Variants in LRFN2 observed in about 807,000 individuals in gnomAD.
LRFN2 encodes the protein leucine rich repeat and fibronectin type III domain containing 2.
In LRFN2, 18 loss-of-function variants were observed where a neutral mutation model predicts 37.3. The ratio of observed to expected loss-of-function variants is 0.48; its 90% confidence interval spans 0.33 to 0.72. The LOEUF is 0.72. Ranked by LOEUF, LRFN2 falls within the 30% of genes least tolerant of loss-of-function variation. The pLI is 0.02. For synonymous variants in LRFN2, 556 were observed against 466.6 expected, an observed-to-expected ratio of 1.19 and a Z score of -2.47; for missense variants, 1,006 against 1,060.7, an observed-to-expected ratio of 0.95 and a Z score of 0.72.
Position 40,392,333 on chromosome 6 carries a change from G to A in LRFN2, c.1980C>T (p.Phe660=), listed in dbSNP as rs372053737. 2.5e-5 allele frequency: 41 copies of A among 1,610,530 alleles called. No homozygotes were observed. The African/African-American group carries it at 2.8e-4, about 11-fold the overall frequency. The change falls in exon 3 of 3, where the codon TTC becomes TTT. Residue 660 remains phenylalanine, a synonymous_variant. Coordinates refer to ENST00000338305, the MANE Select transcript of LRFN2 (RefSeq NM_020737.3). This position sits in a 1 kb window ranked among gnomAD's most constrained non-coding sequence, Gnocchi z 4.7. ...TCTGACTCTTGAGGTCCAGGGAGGC[G>A]AAGGCCCCCATCAGGCGGTCAAGGC... ...KPSLDRLMGA[F]ASLDLKSQRK...
intron 1 of LRFN2, among the ~76,000 whole-genome samples, chr6:40,468,112 G>A (rs993791314): frequency 1.3e-5 from 2 of 152,108 alleles, no homozygotes; most frequent in Non-Finnish European, 2.9e-5. Flanking sequence ...TGGTTATTGG[G>A]CACCTGCTCT....
At chr6:40,434,628 C>T (rs781244949) in intron 1 of LRFN2, among the ~76,000 whole-genome samples, 1 of 152,014 alleles carries the variant, frequency 6.6e-6, no homozygotes, top group Non-Finnish European at 1.5e-5. Flanking sequence ...AGGCACACAC[C>T]ACCATGCCCA....
At chr6:40,520,767 C>A (rs940189834) in intron 1 of LRFN2, among the ~76,000 whole-genome samples, 3 of 152,082 alleles carry the variant, frequency 2.0e-5, no homozygotes, top group East Asian at 3.9e-4. Flanking sequence ...CCCCCTCTGC[C>A]CAGGCCTGGC....
At chr6:40,572,515 G>T (rs769619438) in intron 1 of LRFN2, among the ~76,000 whole-genome samples, 2 of 152,204 alleles carry the variant, frequency 1.3e-5, no homozygotes, top group Admixed American at 6.5e-5. Context: ...CAAGTGGGAG[G>T]CTTGATGGGC....
intron 2 of LRFN2, among the ~76,000 whole-genome samples, chr6:40,428,332 C>G (rs1763401524): frequency 1.3e-5 from 2 of 152,234 alleles, no homozygotes; most frequent in African/African-American, 4.8e-5. Context: ...AAAAAGCCCT[C>G]TATGGCTGCA....
In LRFN2 at chr6:40,445,000, C is replaced by T. The variant is rs755836579; in HGVS notation, c.-18-11869G>A. ...AAGCCCTCCCTCCTTCCTGCACCCC[C>T]TCCACCTCACCCCCCCAGGGACCTG... On this transcript the variant is annotated intron_variant, in intron 1 of 2. Coordinates refer to ENST00000338305, the MANE Select transcript of LRFN2 (RefSeq NM_020737.3). Among the ~76,000 whole-genome samples, 9 of 152,046 alleles carry T rather than the reference C, an allele frequency of 5.9e-5. No individual in the cohort carries two copies. In the East Asian group the frequency reaches 1.2e-3, roughly 20 times the overall value.
chr6:40,403,497 C>G (rs1476044819), intron 2 of LRFN2, among the ~76,000 whole-genome samples: 1 of 152,212 alleles, frequency 6.6e-6, no homozygotes, highest in Non-Finnish European at 1.5e-5. Context: ...GGAGCTTCCA[C>G]AAATGCCCTG....
At chr6:40,427,325 C>A (rs1054104815) in intron 2 of LRFN2, among the ~76,000 whole-genome samples, 1 of 152,216 alleles carries the variant, frequency 6.6e-6, no homozygotes, top group African/African-American at 2.4e-5. Context: ...GTTTACATTT[C>A]TCCCTTGTGT....
At chr6:40,538,898 A>T (rs1017043730) in intron 1 of LRFN2, among the ~76,000 whole-genome samples, 6 of 152,234 alleles carry the variant, frequency 3.9e-5, no homozygotes, top group Non-Finnish European at 8.8e-5. Context: ...ATATTGCATT[A>T]AAAGATGATT....
chr6:40,560,604 T>A (rs1228081231), intron 1 of LRFN2, among the ~76,000 whole-genome samples: 1 of 152,158 alleles, frequency 6.6e-6, no homozygotes, highest in African/African-American at 2.4e-5. Flanking sequence ...GATCTGCCAA[T>A]CACTCAGATT....
chr6:40,584,710 T>G (rs1767469795), intron 1 of LRFN2, among the ~76,000 whole-genome samples: 1 of 152,276 alleles, frequency 6.6e-6, no homozygotes, highest in Non-Finnish European at 1.5e-5. Flanking sequence ...CGCCAGGAGC[T>G]TATAAGCCTC....
At chr6:40,476,554 G>A (rs1323624753) in intron 1 of LRFN2, among the ~76,000 whole-genome samples, 1 of 152,196 alleles carries the variant, frequency 6.6e-6, no homozygotes, top group Non-Finnish European at 1.5e-5. Context: ...GGTCAAACTT[G>A]CTGTTTCCCA....
chr6:40,501,965 C>A (rs1765393640), intron 1 of LRFN2, among the ~76,000 whole-genome samples: 1 of 152,188 alleles, frequency 6.6e-6, no homozygotes, highest in African/African-American at 2.4e-5. Context: ...CCTGACTCCA[C>A]ACACCCTGTA....
intron 2 of LRFN2, among the ~76,000 whole-genome samples, chr6:40,410,104 C>T (rs1175882426): frequency 6.6e-6 from 1 of 152,130 alleles, no homozygotes; most frequent in Non-Finnish European, 1.5e-5. Context: ...CCACTCTGTC[C>T]AGCCAAGTGG....
chr6:40,396,128 G>A (rs1294057881), intron 2 of LRFN2, among the ~76,000 whole-genome samples: 5 of 152,076 alleles, frequency 3.3e-5, no homozygotes, highest in Non-Finnish European at 5.9e-5. Flanking sequence ...TCTGTGCCAG[G>A]CACTATTGTG....
At chr6:40,576,667 G>A (rs759102723) in intron 1 of LRFN2, among the ~76,000 whole-genome samples, 16 of 152,226 alleles carry the variant, frequency 1.1e-4, no homozygotes, top group African/African-American at 2.4e-4. Context: ...TGAGATTTAC[G>A]GAACAGGCTG....
chr6:40,495,854 A>C (rs1003340618), intron 1 of LRFN2, among the ~76,000 whole-genome samples: 1 of 152,196 alleles, frequency 6.6e-6, no homozygotes, highest in African/African-American at 2.4e-5. Flanking sequence ...CTAGTGGATG[A>C]AGATTCTTCA....
At chr6:40,534,371 A>C (rs1415959582) in intron 1 of LRFN2, among the ~76,000 whole-genome samples, 1 of 152,068 alleles carries the variant, frequency 6.6e-6, no homozygotes, top group African/African-American at 2.4e-5. Context: ...ATGTCCATGT[A>C]ACACAAGAGG....
chr6:40,417,742 A>C (rs1035215878), intron 2 of LRFN2, among the ~76,000 whole-genome samples: 1 of 152,034 alleles, frequency 6.6e-6, no homozygotes, highest in African/African-American at 2.4e-5. Flanking sequence ...AAATCATGAC[A>C]ACATGCTGCT....
Sources: gnomAD v4.1 joint callset for allele counts (sites outside exome capture counted in the v4.1 genomes callset) on GRCh38, gnomAD v4.1.1 for gene constraint, Gnocchi (gnomAD v3.1) non-coding constraint, MANE v1.5 for transcripts, NCBI Gene and HGNC (gene_info 2026-07-23, HGNC 2026-07-21) for gene names.